Variants in BOLL observed in about 807,000 individuals in gnomAD.
BOLL encodes the protein protein boule-like.
Under a neutral mutation model 44.4 loss-of-function variants are expected in BOLL, and 23 were observed. The observed-to-expected ratio is 0.52, with a 90% CI of 0.37 to 0.73. The LOEUF is 0.73. BOLL is among the 30% of genes least tolerant of loss of function. BOLL has a pLI of 0.00. For synonymous variants in BOLL, 97 were observed against 110.8 expected, an observed-to-expected ratio of 0.88 and a Z score of 0.78; for missense variants, 287 against 338.3, an observed-to-expected ratio of 0.85 and a Z score of 1.19.
intron 10 of BOLL, among the ~76,000 whole-genome samples, chr2:197,742,127 C>T (rs1687769425): frequency 6.6e-6 from 1 of 152,174 alleles, no homozygotes; most frequent in African/African-American, 2.4e-5. Context: ...CCATCTTACA[C>T]CAGTTAGAAT....
intron 9 of BOLL, among the ~76,000 whole-genome samples, chr2:197,753,856 A>AT (rs1354513295): frequency 6.6e-6 from 1 of 152,206 alleles, no homozygotes; most frequent in Non-Finnish European, 1.5e-5. Context: ...TTGCAGCACT[A>AT]TTTACAATAG....
At chr2:197,764,656 T>C (rs1475203951) in intron 7 of BOLL, among the ~76,000 whole-genome samples, 1 of 152,204 alleles carries the variant, frequency 6.6e-6, no homozygotes, top group African/African-American at 2.4e-5. Flanking sequence ...TTGCTGAATT[T>C]ACTTGTATTC....
intron 10 of BOLL, among the ~76,000 whole-genome samples, chr2:197,729,489 T>C (rs562533396): frequency 8.0e-4 from 122 of 152,274 alleles, no homozygotes; most frequent in African/African-American, 2.8e-3. Flanking sequence ...TGCCTGCCTC[T>C]GTAGGCTCCA....
At chr2:197,729,403 T>A (rs1384330356) in intron 10 of BOLL, among the ~76,000 whole-genome samples, 78 of 152,224 alleles carry the variant, frequency 5.1e-4, no homozygotes, top group African/African-American at 1.6e-3. Flanking sequence ...CGCCCGCCAT[T>A]GCCCAGGCTT....
intron 5 of BOLL, chr2:197,774,205 G>A: frequency 5.1e-6 from 1 of 195,552 alleles, no homozygotes; most frequent in Non-Finnish European, 1.2e-5. Context: ...AATTGTTTTT[G>A]GGAAATATTT....
upstream of BOLL, chr2:197,785,990 G>T: frequency 6.2e-7 from 1 of 1,611,242 alleles, no homozygotes; most frequent in Non-Finnish European, 8.5e-7. This position sits in a 1 kb window ranked among gnomAD's most constrained non-coding sequence, Gnocchi z 6.7. Flanking sequence ...CACCGGCCCG[G>T]ACTCGGTTTC....
At chr2:197,759,102 A>C in intron 7 of BOLL, 2 of 928,802 alleles carry the variant, frequency 2.2e-6, no homozygotes, top group Non-Finnish European at 3.3e-6. Flanking sequence ...CCACAAGAAA[A>C]GACTAAGGCA....
intron 10 of BOLL, among the ~76,000 whole-genome samples, chr2:197,734,637 T>G (rs1011900915): frequency 7.2e-5 from 11 of 152,064 alleles, no homozygotes; most frequent in Non-Finnish European, 1.3e-4. Flanking sequence ...CCATAAAAAA[T>G]GATGAGTTCA....
chr2:197,762,193 A>T (rs1688790507), intron 7 of BOLL, among the ~76,000 whole-genome samples: 1 of 152,082 alleles, frequency 6.6e-6, no homozygotes, highest in African/African-American at 2.4e-5. Context: ...AAAATACAAA[A>T]ATTGGCCAGG....
At chr2:197,752,444 C>A (rs992917176) in intron 9 of BOLL, among the ~76,000 whole-genome samples, 1 of 152,180 alleles carries the variant, frequency 6.6e-6, no homozygotes, top group African/African-American at 2.4e-5. Context: ...TAAGAAACTT[C>A]AGTAAAGTCT....
At chr2:197,746,773 G>A (rs1485171380) in intron 9 of BOLL, among the ~76,000 whole-genome samples, 14 of 151,762 alleles carry the variant, frequency 9.2e-5, no homozygotes, top group African/African-American at 2.9e-4. Flanking sequence ...GGTGGTGTGC[G>A]CCTGTAGTCC....
At chr2:197,743,281 C>A in intron 9 of BOLL, 122 bp from the exon 10 acceptor site, 1 of 573,626 alleles carries the variant, frequency 1.7e-6, no homozygotes, top group South Asian at 4.5e-5. Flanking sequence ...AAACACATGC[C>A]CTTATGTTTA....
intron 6 of BOLL, among the ~76,000 whole-genome samples, chr2:197,771,491 T>C (rs1017096979): frequency 1.3e-5 from 2 of 151,682 alleles, no homozygotes; most frequent in Admixed American, 1.3e-4. Flanking sequence ...GAACTTAAAG[T>C]ATATAAAAAA....
intron 1 of BOLL, among the ~76,000 whole-genome samples, chr2:197,783,633 T>C (rs1689900971): frequency 6.6e-6 from 1 of 152,228 alleles, no homozygotes; most frequent in South Asian, 2.1e-4. Context: ...TACTATGTTG[T>C]AGTTTCCAAT....
chr2:197,744,056 G>T (rs537791421), intron 9 of BOLL, among the ~76,000 whole-genome samples: 1 of 152,144 alleles, frequency 6.6e-6, no homozygotes, highest in Non-Finnish European at 1.5e-5. Flanking sequence ...GGATCCACCC[G>T]CCTCGGCCTC....
chr2:197,742,130 G>GT (rs1281177433), intron 10 of BOLL, among the ~76,000 whole-genome samples: 2 of 152,198 alleles, frequency 1.3e-5, no homozygotes, highest in Non-Finnish European at 2.9e-5. Context: ...TCTTACACCA[G>GT]TTAGAATGGC....
chr2:197,756,691 T>G (rs1688530249), intron 8 of BOLL, 135 bp from the exon 9 acceptor site: 2 of 718,426 alleles, frequency 2.8e-6, no homozygotes, highest in South Asian at 2.5e-5. Context: ...CACAGAAGTA[T>G]CTCAGCAACG....
At chr2:197,778,467 C>CTAT (rs1689614793) in intron 3 of BOLL, among the ~76,000 whole-genome samples, 1 of 151,840 alleles carries the variant, frequency 6.6e-6, no homozygotes. Flanking sequence ...AAGACACAGT[C>CTAT]TATTACTTTC....
At chr2:197,756,966 C>T (rs560934407) in intron 8 of BOLL, among the ~76,000 whole-genome samples, 1 of 151,922 alleles carries the variant, frequency 6.6e-6, no homozygotes, top group East Asian at 1.9e-4. Context: ...TATTTGTTAC[C>T]AAAAGTTGGG....
Sources: gnomAD v4.1 joint callset for allele counts (sites outside exome capture counted in the v4.1 genomes callset) on GRCh38, gnomAD v4.1.1 for gene constraint, Gnocchi (gnomAD v3.1) non-coding constraint, MANE v1.5 for transcripts, NCBI Gene and HGNC (gene_info 2026-07-23, HGNC 2026-07-21) for gene names.